The following AGBL1 variants were observed in gnomAD, a reference collection of about 807,000 sequenced individuals.
The protein encoded by AGBL1 is cytosolic carboxypeptidase 4.
In AGBL1, 130 loss-of-function variants were observed where a neutral mutation model predicts 118.9. The ratio of observed to expected loss-of-function variants is 1.09; its 90% CI spans 0.95 to 1.26. AGBL1 has a LOEUF of 1.26. AGBL1 is among the 50% of genes most tolerant of loss of function. The probability of loss-of-function intolerance (pLI) is 0.00; values close to 1 mark genes in which losing one functional copy is unlikely to be tolerated. For synonymous variants in AGBL1, 555 were observed against 478.9 expected (o/e 1.16, Z -2.08); for missense variants, 1,584 against 1,298.1 (o/e 1.22, Z -3.38).
At chr15:86,184,592 A>G (rs2077602871) in intron 5 of AGBL1, among the ~76,000 whole-genome samples, 3 of 152,030 alleles carry the variant, frequency 2.0e-5, no homozygotes, top group Admixed American at 2.0e-4. Context: ...TCTCCCCGTC[A>G]CTTTCAGGTA....
At chr15:86,782,185 G>T (rs184358407) in intron 22 of AGBL1, among the ~76,000 whole-genome samples, 25 of 152,058 alleles carry the variant, frequency 1.6e-4, no homozygotes, top group Middle Eastern at 3.4e-3. Context: ...AATAATTAGA[G>T]CCTTAACTCT....
At position 86,590,806 on chromosome 15, in the gene AGBL1, T is replaced by C. The variant is rs140242835; in HGVS notation, c.2994+36269T>C. The stretch of plus-strand genomic sequence containing the variant: ...CCCAGGAAAGACAGCTTTGCAGAGC[T>C]ACTTTTATTTGCTGGCTCTCTGACA... On this transcript the variant is annotated intron_variant, in intron 21 of 22. Transcript: ENST00000614907. Among the ~76,000 whole-genome samples the C allele has an allele frequency of 5.6e-3, 858 of 152,358 alleles. 11 individuals are homozygous for C. The highest frequency in any genetic ancestry group is 0.019 in the African/African-American group (803 of 41,584).
At chr15:86,903,490 T>G (rs558289303) in intron 22 of AGBL1, among the ~76,000 whole-genome samples, 15 of 152,356 alleles carry the variant, frequency 9.8e-5, no homozygotes, top group Admixed American at 7.8e-4. Context: ...GTCAGATAAT[T>G]TTAACAGCTG....
intron 17 of AGBL1, among the ~76,000 whole-genome samples, chr15:86,320,227 T>C (rs1267948045): frequency 6.6e-6 from 1 of 152,216 alleles, no homozygotes; most frequent in East Asian, 1.9e-4. Flanking sequence ...TGATATCTAA[T>C]GCTCCTCTCC....
At chr15:86,349,330 C>T (rs2080588900) in intron 17 of AGBL1, among the ~76,000 whole-genome samples, 1 of 152,120 alleles carries the variant, frequency 6.6e-6, no homozygotes, top group South Asian at 2.1e-4. Context: ...AGACAACCAC[C>T]TATAACAAGG....
intron 23 of AGBL1, among the ~76,000 whole-genome samples, chr15:86,986,215 C>T (rs568824446): frequency 2.0e-5 from 3 of 152,226 alleles, no homozygotes; most frequent in African/African-American, 4.8e-5. Flanking sequence ...TGAGCCACGG[C>T]GCCCGGCCAG....
At chr15:86,331,035 C>T (rs1341868617) in intron 17 of AGBL1, among the ~76,000 whole-genome samples, 1 of 152,008 alleles carries the variant, frequency 6.6e-6, no homozygotes, top group Non-Finnish European at 1.5e-5. Flanking sequence ...ACCAGGCTGA[C>T]CAACATGGTG....
At chr15:86,594,326 G>A (rs1419743727) in intron 21 of AGBL1, among the ~76,000 whole-genome samples, 1 of 151,952 alleles carries the variant, frequency 6.6e-6, no homozygotes, top group African/African-American at 2.4e-5. Flanking sequence ...AAAGATTAGT[G>A]CATCTTTGAT....
At chr15:86,357,494 C>T (rs1267965875) in intron 17 of AGBL1, among the ~76,000 whole-genome samples, 1 of 152,044 alleles carries the variant, frequency 6.6e-6, no homozygotes, top group East Asian at 1.9e-4. Flanking sequence ...TTATTCTTTC[C>T]TATTTGCCTT....
At chr15:86,251,819 T>C (rs573302924) in intron 7 of AGBL1, among the ~76,000 whole-genome samples, 4 of 104,382 alleles carry the variant, frequency 3.8e-5, no homozygotes, top group Non-Finnish European at 5.4e-5. Flanking sequence ...GAATGCAAGA[T>C]TGAAAAAAAA....
intron 19 of AGBL1, among the ~76,000 whole-genome samples, chr15:86,540,456 G>T (rs547899491): frequency 6.6e-6 from 1 of 152,082 alleles, no homozygotes; most frequent in African/African-American, 2.4e-5. Flanking sequence ...TTAGCTGAGC[G>T]TGGTGGCAGG....
intron 22 of AGBL1, among the ~76,000 whole-genome samples, chr15:86,783,875 C>A (rs2078370055): frequency 6.6e-6 from 1 of 152,184 alleles, no homozygotes; most frequent in Non-Finnish European, 1.5e-5. Flanking sequence ...AGGTGATTTG[C>A]CCACCTTGGC....
chr15:86,152,166 A>C (rs371460851), intron 3 of AGBL1, among the ~76,000 whole-genome samples: 1 of 151,950 alleles, frequency 6.6e-6, no homozygotes, highest in African/African-American at 2.4e-5. Flanking sequence ...GGAAAAAACT[A>C]TTTTTAAATT....
intron 22 of AGBL1, among the ~76,000 whole-genome samples, chr15:86,732,408 C>T (rs2077538005): frequency 6.6e-6 from 1 of 152,112 alleles, no homozygotes; most frequent in Non-Finnish European, 1.5e-5. Context: ...TATGTAGCTG[C>T]CCTTGTCAAT....
chr15:86,795,987 A>G (rs890376617), intron 22 of AGBL1, among the ~76,000 whole-genome samples: 5 of 151,952 alleles, frequency 3.3e-5, no homozygotes, highest in Admixed American at 2.0e-4. Context: ...TAGGAACCCA[A>G]CACGTGTACA....
At chr15:86,729,815 G>A (rs1053737207) in intron 22 of AGBL1, among the ~76,000 whole-genome samples, 3 of 152,154 alleles carry the variant, frequency 2.0e-5, no homozygotes, top group Non-Finnish European at 4.4e-5. Context: ...TGGGTCAAAT[G>A]GTAGCTCTGT....
intron 22 of AGBL1, among the ~76,000 whole-genome samples, chr15:86,724,231 A>C (rs1452817523): frequency 8.7e-6 from 1 of 115,152 alleles, no homozygotes; most frequent in African/African-American, 3.9e-5. Flanking sequence ...GTGAGACTCC[A>C]TCTCAAAAAA....
At chr15:86,442,789 T>C (rs1013709169) in intron 18 of AGBL1, among the ~76,000 whole-genome samples, 11 of 152,294 alleles carry the variant, frequency 7.2e-5, no homozygotes, top group African/African-American at 2.6e-4. Context: ...GCCTCCATTC[T>C]CAGGGCTGAA....
intron 21 of AGBL1, among the ~76,000 whole-genome samples, chr15:86,604,788 CT>C (rs2084548817): frequency 7.0e-6 from 1 of 143,068 alleles, no homozygotes; most frequent in Admixed American, 7.0e-5. Flanking sequence ...CTTTTTTTTT[CT>C]TTTCTTTCTT....
Sources: gnomAD v4.1 joint callset for allele counts (sites outside exome capture counted in the v4.1 genomes callset) on GRCh38, gnomAD v4.1.1 for gene constraint, MANE v1.5 for transcripts, NCBI Gene and HGNC (gene_info 2026-07-23, HGNC 2026-07-21) for gene names.